CMYA5: variants seen among roughly 807,000 people sequenced by gnomAD.
CMYA5 encodes cardiomyopathy-associated protein 5.
Under a neutral mutation model 318.9 loss-of-function variants are expected in CMYA5, and 246 were observed. The observed-to-expected ratio is 0.77, with a 90% CI of 0.70 to 0.86. The LOEUF (loss-of-function observed/expected upper bound fraction) is 0.86. Ranked by LOEUF, CMYA5 falls within the 40% of genes least tolerant of loss-of-function variation. The pLI is 0.00. For missense variants in CMYA5, 4,589 were observed against 4,678.2 expected, an observed-to-expected ratio of 0.98 and a Z score of 0.56; for synonymous variants, 1,641 against 1,729.5, an observed-to-expected ratio of 0.95 and a Z score of 1.27.
intron 6 of CMYA5, 64 bp from the exon 7 acceptor site, chr5:79,758,689 T>C (rs1828582111): frequency 7.2e-7 from 1 of 1,385,486 alleles, no homozygotes; most frequent in Admixed American, 2.5e-5. Context: ...CAAGCATAAG[T>C]AACTTGTGCC....
In CMYA5 at chr5:79,793,570, G is replaced by A; in HGVS notation, c.11923G>A (p.Gly3975Arg). 2 of 1,613,660 alleles carry A rather than the reference G, an allele frequency of 1.2e-6. No individual in the cohort carries two copies. Among genetic ancestry groups the A allele is most frequent in the Non-Finnish European group, 8.5e-7 (1 of 1,179,664 alleles). ...TGTGCAGGCAGGTGCCCTAGGACAA[G>A]GGGAGACCTCATGGTACATGCACTG... ...SAVQAGALGQGETSWYMHCSE... is the reference protein window; with the variant it reads ...SAVQAGALGQRETSWYMHCSE... The change falls in exon 12 of 13, where the codon GGG becomes AGG. Residue 3975 changes from glycine to arginine, a missense_variant. Gly to Arg is a moderately radical substitution (Grantham distance 125). Transcript: ENST00000446378.
intron 1 of CMYA5, among the ~76,000 whole-genome samples, chr5:79,708,823 T>C (rs1034942940): frequency 4.6e-5 from 7 of 151,532 alleles, no homozygotes; most frequent in African/African-American, 1.7e-4. Context: ...TAATCCCAGC[T>C]CCTCGGAGGC....
At position 79,758,790 on chromosome 5, in the gene CMYA5, T is replaced by C. The variant is rs1162158125; in HGVS notation, c.11148T>C (p.Asn3716=). The change falls in exon 7 of 13, where the codon AAT becomes AAC. Residue 3716 remains asparagine, a synonymous_variant. Coordinates refer to ENST00000446378, the MANE Select transcript of CMYA5 (RefSeq NM_153610.5). Reference sequence around the variant, plus strand: ...CTAGATTAGAACCTCAGGAACCAAATTCTGCCACCAGCACAACAATTGCAG... The same window carrying C: ...CTAGATTAGAACCTCAGGAACCAAACTCTGCCACCAGCACAACAATTGCAG... The part of the protein sequence containing the change: ...QPPRLEPQEP[N]SATSTTIAVY... 6.2e-7 allele frequency: 1 copy of C among 1,603,132 alleles called. No homozygotes were observed. The highest frequency in any genetic ancestry group is 1.3e-5 in the African/African-American group (1 of 74,556).
At chr5:79,778,815 G>GTGTGTGTGTGTGTGTATGTGTGTA (rs1561228873) in intron 9 of CMYA5, among the ~76,000 whole-genome samples, 1 of 106,074 alleles carries the variant, frequency 9.4e-6, no homozygotes, top group Admixed American at 9.7e-5. Context: ...CTCTTTCTGT[G>GTGTGTGTGTGTGTGTATGTGTGTA]TGTGTGTGTG....
chr5:79,775,311 A>C (rs1439338010), intron 9 of CMYA5, among the ~76,000 whole-genome samples: 1 of 152,200 alleles, frequency 6.6e-6, no homozygotes, highest in East Asian at 1.9e-4. Flanking sequence ...CAGTCAATGG[A>C]AACCCAATCA....
rs185453139 is a variant in CMYA5, at chr5:79,792,628, A to G, written c.11790-809A>G. Among the ~76,000 whole-genome samples, 18 of 152,312 alleles carry G rather than the reference A, an allele frequency of 1.2e-4. No individual in the cohort carries two copies. The East Asian group carries it at 3.5e-3, about 29-fold the overall frequency. ...GCATTAATCATTTTCTCATCTGTTA[A>G]AGGGGAGAGGGAGAGAGTGCTGACT... On this transcript the variant is annotated intron_variant, in intron 11 of 12. Transcript: ENST00000446378.
chr5:79,770,612 C>G (rs1007066678), intron 9 of CMYA5, among the ~76,000 whole-genome samples: 1 of 152,110 alleles, frequency 6.6e-6, no homozygotes, highest in Non-Finnish European at 1.5e-5. Context: ...CCTCCATGGG[C>G]TGCATCCACT....
At chr5:79,775,694 A>G (rs1468949488) in intron 9 of CMYA5, among the ~76,000 whole-genome samples, 1 of 152,234 alleles carries the variant, frequency 6.6e-6, no homozygotes, top group Non-Finnish European at 1.5e-5. Flanking sequence ...GAACAAGATA[A>G]TAGTGATTGC....
At position 79,723,899 on chromosome 5, in the gene CMYA5, T is replaced by C. The variant is rs183603538; in HGVS notation, c.150-5016T>C. Among the ~76,000 whole-genome samples, 137 of 152,314 alleles carry C rather than the reference T, an allele frequency of 9.0e-4. 1 individual carries two copies. Among genetic ancestry groups the C allele is most frequent in the African/African-American group, 3.2e-3 (132 of 41,570 alleles). On this transcript the variant is annotated intron_variant, in intron 1 of 12. Transcript: ENST00000446378. Reference sequence around the variant, plus strand: ...TTGCATTATATAAAAGTATAATGTATCACAGCCATGTTGAGTTCAGTTCAG... The same window carrying C: ...TTGCATTATATAAAAGTATAATGTACCACAGCCATGTTGAGTTCAGTTCAG...
chr5:79,722,991 A>G (rs1403364611), intron 1 of CMYA5, among the ~76,000 whole-genome samples: 1 of 152,224 alleles, frequency 6.6e-6, no homozygotes, highest in Admixed American at 6.5e-5. Flanking sequence ...CTCCAGGTCC[A>G]GACTGCTTCA....
In CMYA5 at chr5:79,738,838, A is replaced by T; in HGVS notation, c.10073A>T (p.His3358Leu). 2.5e-6 allele frequency: 4 copies of T among 1,613,908 alleles called. No homozygotes were observed. Among genetic ancestry groups the T allele is most frequent in the Non-Finnish European group, 3.4e-6 (4 of 1,179,848 alleles). ...VLERADEAGS[H>L]GNEVGNASPE... ...GAGCGTGCAGATGAAGCAGGCAGTCACGGTAATGAAGTCGGAAATGCAAGT... is the reference window on the plus strand; with the variant it reads ...GAGCGTGCAGATGAAGCAGGCAGTCTCGGTAATGAAGTCGGAAATGCAAGT... The change falls in exon 2 of 13, where the codon CAC (histidine) becomes CTC (leucine). Residue 3358 changes from histidine (H) to leucine (L), a missense_variant. By Grantham distance (99) the His-to-Leu change is moderately conservative. Around this residue, in one of 3 missense-constraint regions of CMYA5, gnomAD observed 2,431 missense variants for 2,495.1 expected, o/e 0.97. Coordinates refer to ENST00000446378, the MANE Select transcript of CMYA5 (RefSeq NM_153610.5).
At chr5:79,775,554 GAAA>G (rs1341320446) in intron 9 of CMYA5, among the ~76,000 whole-genome samples, 2 of 151,866 alleles carry the variant, frequency 1.3e-5, no homozygotes, top group Admixed American at 6.6e-5. Flanking sequence ...ACAGCAAGAG[GAAA>G]AAAAGAGATT....
chr5:79,778,710 A>G (rs1003904294), intron 9 of CMYA5, among the ~76,000 whole-genome samples: 3 of 151,156 alleles, frequency 2.0e-5, no homozygotes, highest in African/African-American at 4.9e-5. Flanking sequence ...CATATTTTTT[A>G]TAATAATTGA....
At chr5:79,712,727 G>A (rs780050943) in intron 1 of CMYA5, among the ~76,000 whole-genome samples, 3 of 152,076 alleles carry the variant, frequency 2.0e-5, no homozygotes, top group Non-Finnish European at 1.5e-5. Flanking sequence ...AAGGAAATCT[G>A]ATCAGATTTC....
chr5:79,798,479 T>C (rs1173110068), intron 12 of CMYA5, among the ~76,000 whole-genome samples: 2 of 152,226 alleles, frequency 1.3e-5, no homozygotes, highest in African/African-American at 4.8e-5. Context: ...TTAGCTTTTC[T>C]GGTCAGCAGT....
chr5:79,738,356 T>C lies in CMYA5; in HGVS notation c.9591T>C (p.Tyr3197=), dbSNP rs1828132866. 1 of 1,613,758 alleles carries C rather than the reference T, an allele frequency of 6.2e-7. No homozygotes were observed. The highest frequency in any genetic ancestry group is 8.5e-7 in the Non-Finnish European group (1 of 1,179,838). ...TTGCATTTTTATATAAGGATCTGTA[T>C]GAAGAAGCAGTTGGAGAGAAAAAGA... ...PALAFLYKDL[Y]EEAVGEKKKE... Residue 3197 remains tyrosine (Y), a synonymous_variant, in exon 2 of 13, where the codon TAT becomes TAC. Transcript: ENST00000446378.
At chr5:79,706,195 G>A (rs940949116) in intron 1 of CMYA5, among the ~76,000 whole-genome samples, 12 of 152,140 alleles carry the variant, frequency 7.9e-5, no homozygotes, top group African/African-American at 1.2e-4. Context: ...TAGTGAGGGC[G>A]GGGGTAGGTT....
intron 5 of CMYA5, among the ~76,000 whole-genome samples, chr5:79,752,233 C>T (rs559302953): frequency 3.3e-5 from 5 of 152,096 alleles, no homozygotes; most frequent in South Asian, 4.1e-4. Flanking sequence ...AGCTTAATAT[C>T]GAGGTTTGAG....
rs759504096 is a variant in CMYA5 at position 79,734,603 on chromosome 5, C to T, written c.5838C>T (p.Val1946=). Residue 1946 remains valine (V), a synonymous_variant, in exon 2 of 13, where the codon GTC becomes GTT. Transcript: ENST00000446378. ...KDHTCEVRKQ[V]LPHSAEESHL... ...ATACATGTGAAGTGAGAAAGCAGGTCCTGCCGCATTCTGCTGAAGAATCTC... is the reference window on the plus strand; with the variant it reads ...ATACATGTGAAGTGAGAAAGCAGGTTCTGCCGCATTCTGCTGAAGAATCTC... 1.9e-6 allele frequency: 3 copies of T among 1,613,710 alleles called. No homozygotes were observed. Among genetic ancestry groups the T allele is most frequent in the Non-Finnish European group, 1.7e-6 (2 of 1,179,816 alleles).
Sources: gnomAD v4.1 joint callset for allele counts (sites outside exome capture counted in the v4.1 genomes callset) on GRCh38, gnomAD v4.1.1 for gene constraint, gnomAD v4.1.1 regional missense constraint, MANE v1.5 for transcripts, NCBI Gene and HGNC (gene_info 2026-07-23, HGNC 2026-07-21) for gene names.